ATRNL1: variants seen among roughly 807,000 people sequenced by gnomAD.
ATRNL1 encodes attractin like 1, also known as attractin-like protein 1.
Under a neutral mutation model 182.7 loss-of-function variants are expected in ATRNL1, and 95 were observed. The observed-to-expected ratio is 0.52, with a 90% CI of 0.44 to 0.62. The LOEUF is 0.62. Among genes scored for constraint, ATRNL1 ranks in the 20% least tolerant of loss-of-function variants. The pLI, the probability that ATRNL1 is intolerant of heterozygous loss-of-function variation, is 0.00. For missense variants in ATRNL1, 1,471 were observed against 1,679.5 expected (o/e 0.88, Z 2.17); for synonymous variants, 576 against 568.3 (o/e 1.01, Z -0.19).
At chr10:115,928,488 A>G (rs1301885960) in intron 28 of ATRNL1, among the ~76,000 whole-genome samples, 2 of 152,036 alleles carry the variant, frequency 1.3e-5, no homozygotes, top group Non-Finnish European at 2.9e-5. Flanking sequence ...ATTAAAATGT[A>G]ATTGTCTATA....
rs1953854132 is a variant in ATRNL1 at position 115,945,372 on chromosome 10, C to A, written c.*593C>A. On this transcript the variant is annotated 3_prime_UTR_variant, in exon 29 of 29. Transcript: ENST00000355044. ...GCTTTCCGCCTAACTAGAATGCAGA[C>A]CAGAATGAGTTCAACTCATTCTGTG... The A allele has an allele frequency of 6.6e-6, 1 of 152,136 alleles. No homozygotes were observed. 9.4% of individuals were successfully genotyped at this position (152,136 alleles called of 1,614,324 possible). A position where few individuals can be genotyped will look rare whatever the true frequency, so the allele number is the denominator to read the frequency against.
At chr10:115,667,577 C>G (rs1861072249) in intron 26 of ATRNL1, among the ~76,000 whole-genome samples, 1 of 151,838 alleles carries the variant, frequency 6.6e-6, no homozygotes, top group South Asian at 2.1e-4. Context: ...GAGGAAAGTA[C>G]AAGTTTCTAG....
At chr10:115,225,393 T>C (rs1015497553) in intron 9 of ATRNL1, among the ~76,000 whole-genome samples, 4 of 151,020 alleles carry the variant, frequency 2.6e-5, no homozygotes, top group Non-Finnish European at 5.9e-5. Flanking sequence ...CCCTCTAAGA[T>C]TGGGAATGGG....
intron 9 of ATRNL1, among the ~76,000 whole-genome samples, chr10:115,223,779 C>A (rs1470502470): frequency 1.3e-5 from 2 of 149,440 alleles, no homozygotes; most frequent in African/African-American, 4.9e-5. Flanking sequence ...AATTAATTGA[C>A]CACAGTGAAA....
chr10:115,810,784 A>C (rs1426126211), intron 27 of ATRNL1, among the ~76,000 whole-genome samples: 1 of 151,820 alleles, frequency 6.6e-6, no homozygotes, highest in Admixed American at 6.6e-5. Context: ...ATTTATTGGC[A>C]GTCTCTTATC....
chr10:115,168,602 G>A (rs1847152036), intron 7 of ATRNL1, among the ~76,000 whole-genome samples: 1 of 151,976 alleles, frequency 6.6e-6, no homozygotes, highest in Non-Finnish European at 1.5e-5. Context: ...TTGGCCATTT[G>A]TATATTGTCT....
intron 20 of ATRNL1, among the ~76,000 whole-genome samples, chr10:115,404,341 G>C (rs1554957709): frequency 6.6e-6 from 1 of 152,114 alleles, no homozygotes; most frequent in Non-Finnish European, 1.5e-5. Context: ...ATTGGGCTCT[G>C]TCCGGTAGAC....
chr10:115,164,568 G>A (rs1300112782), intron 6 of ATRNL1, among the ~76,000 whole-genome samples: 1 of 152,044 alleles, frequency 6.6e-6, no homozygotes, highest in African/African-American at 2.4e-5. Flanking sequence ...GCCATAATAT[G>A]GACTCAACAT....
At chr10:115,620,632 A>G (rs1857679888) in intron 26 of ATRNL1, among the ~76,000 whole-genome samples, 1 of 152,204 alleles carries the variant, frequency 6.6e-6, no homozygotes, top group Non-Finnish European at 1.5e-5. Context: ...ATGTGAACTA[A>G]AAGGCATTTG....
intron 26 of ATRNL1, among the ~76,000 whole-genome samples, chr10:115,717,552 T>G (rs1362595956): frequency 7.4e-6 from 1 of 134,646 alleles, no homozygotes; most frequent in Non-Finnish European, 1.6e-5. Flanking sequence ...AATGTTCTTT[T>G]TTTTTTTTTT....
chr10:115,117,353 C>T (rs1412922541), intron 1 of ATRNL1, among the ~76,000 whole-genome samples: 3 of 151,940 alleles, frequency 2.0e-5, no homozygotes, highest in African/African-American at 7.2e-5. Flanking sequence ...CCTCACTTTA[C>T]CACTACCCTT....
chr10:115,171,630 A>G (rs1031476564), intron 8 of ATRNL1, among the ~76,000 whole-genome samples: 1 of 152,016 alleles, frequency 6.6e-6, no homozygotes, highest in Admixed American at 6.6e-5. Flanking sequence ...CAGTCTCTTT[A>G]CTATGCATTG....
At position 115,535,165 on chromosome 10, in the gene ATRNL1, A is replaced by C. The variant is rs1851890581; in HGVS notation, c.3717-14293A>C. Among the ~76,000 whole-genome samples, 6 of 151,748 alleles carry C rather than the reference A, an allele frequency of 4.0e-5. No homozygotes were observed. In the South Asian group the frequency reaches 1.2e-3, roughly 32 times the overall value. Reference sequence around the variant, plus strand: ...TCTGAATGTTGGCCTGCCTTGCTAGATTGGGGAAGTTCTCCTGGATAATAT... The same window carrying C: ...TCTGAATGTTGGCCTGCCTTGCTAGCTTGGGGAAGTTCTCCTGGATAATAT... On this transcript the variant is annotated intron_variant, in intron 25 of 28. Transcript: ENST00000355044.
chr10:115,694,154 C>T (rs1196167599), intron 26 of ATRNL1, among the ~76,000 whole-genome samples: 1 of 134,034 alleles, frequency 7.5e-6, no homozygotes, highest in African/African-American at 2.7e-5. Flanking sequence ...CACTTCTACT[C>T]CCACAGTCTA....
intron 26 of ATRNL1, among the ~76,000 whole-genome samples, chr10:115,635,704 A>G (rs1858826703): frequency 6.6e-6 from 1 of 152,202 alleles, no homozygotes; most frequent in African/African-American, 2.4e-5. Context: ...AGCATTACCA[A>G]TAATAGCCAC....
intron 25 of ATRNL1, among the ~76,000 whole-genome samples, chr10:115,538,692 T>C (rs1158728777): frequency 1.3e-5 from 2 of 152,238 alleles, no homozygotes; most frequent in Non-Finnish European, 2.9e-5. Context: ...TGAAAAGTTT[T>C]AGTTTTTATA....
chr10:115,509,012 G>C (rs1554981989), intron 24 of ATRNL1, among the ~76,000 whole-genome samples: 1 of 152,010 alleles, frequency 6.6e-6, no homozygotes. Flanking sequence ...TGCATCTGGT[G>C]ATTATGAGCC....
intron 14 of ATRNL1, among the ~76,000 whole-genome samples, chr10:115,284,145 T>C (rs1161047494): frequency 6.6e-6 from 1 of 152,198 alleles, no homozygotes; most frequent in African/African-American, 2.4e-5. Context: ...TATAAATTAA[T>C]TGCCTTCCTT....
At chr10:115,255,190 A>G (rs534360980) in intron 10 of ATRNL1, among the ~76,000 whole-genome samples, 1 of 152,166 alleles carries the variant, frequency 6.6e-6, no homozygotes, top group African/African-American at 2.4e-5. Flanking sequence ...TGGTAGCTTG[A>G]TGGGGATGGC....
Sources: allele counts gnomAD v4.1 joint callset (sites outside exome capture counted in the v4.1 genomes callset), GRCh38; gene constraint gnomAD v4.1.1; transcripts MANE v1.5; gene names NCBI Gene and HGNC (gene_info 2026-07-23, HGNC 2026-07-21).